The following NDST4 variants were observed in gnomAD, a reference collection of about 807,000 sequenced individuals.
NDST4 encodes N-deacetylase and N-sulfotransferase 4.
In NDST4, 63 loss-of-function variants were observed where a neutral mutation model predicts 100.8. That is an observed-to-expected ratio of 0.62 (90% CI 0.51 to 0.77). The LOEUF (loss-of-function observed/expected upper bound fraction) is 0.77. NDST4 is among the 30% of genes least tolerant of loss of function. NDST4 has a pLI of 0.00. For missense variants in NDST4, 943 were observed against 1,018.4 expected, an observed-to-expected ratio of 0.93 and a Z score of 1.01; for synonymous variants, 377 against 361.8, an observed-to-expected ratio of 1.04 and a Z score of -0.48.
chr4:114,945,537 C>T (rs1725843846), intron 4 of NDST4, among the ~76,000 whole-genome samples: 1 of 152,064 alleles, frequency 6.6e-6, no homozygotes, highest in African/African-American at 2.4e-5. Context: ...TAAAGAAACA[C>T]ATCATAGGTG....
intron 1 of NDST4, among the ~76,000 whole-genome samples, chr4:115,108,121 A>T (rs1268537852): frequency 2.6e-5 from 4 of 152,138 alleles, no homozygotes; most frequent in Non-Finnish European, 4.4e-5. Flanking sequence ...TTAAATTCTG[A>T]TTCTAATTAT....
At chr4:114,980,989 G>A (rs1726756663) in intron 2 of NDST4, among the ~76,000 whole-genome samples, 2 of 152,054 alleles carry the variant, frequency 1.3e-5, no homozygotes, top group East Asian at 3.9e-4. Flanking sequence ...GAGCTGGGAG[G>A]ATTGCTTGAG....
chr4:115,040,777 C>T (rs1475811960), intron 2 of NDST4, among the ~76,000 whole-genome samples: 1 of 151,952 alleles, frequency 6.6e-6, no homozygotes, highest in Non-Finnish European at 1.5e-5. Flanking sequence ...AGATGAACAG[C>T]TTCCCACCAA....
intron 1 of NDST4, among the ~76,000 whole-genome samples, chr4:115,106,738 T>A (rs2110345978): frequency 6.6e-6 from 1 of 152,276 alleles, no homozygotes; most frequent in Non-Finnish European, 1.5e-5. Context: ...TACATCGATC[T>A]TCATTTCATT....
chr4:115,106,938 TGAGGCCAGGAAATC>T (rs554537704), intron 1 of NDST4, among the ~76,000 whole-genome samples: 188 of 152,216 alleles, frequency 1.2e-3, no homozygotes, highest in African/African-American at 4.0e-3. Flanking sequence ...GAGGATAGCT[TGAGGCCAGGAAATC>T]GAGGCCAGCG....
chr4:114,839,517 A>C lies in NDST4; in HGVS notation c.2147T>G (p.Leu716Arg). The C allele has an allele frequency of 6.2e-7, 1 of 1,613,764 alleles. No homozygotes were observed. Among genetic ancestry groups the C allele is most frequent in the Non-Finnish European group, 8.5e-7 (1 of 1,179,842 alleles). ...HQRSHEDPAA[L>R]RFNFYEVIST... ...AATAACTTCATAGAAATTGAACCTC[A>C]GAGCAGCTGGATCTTCATGTGATCG... Residue 716 changes from leucine to arginine, a missense_variant, in exon 11 of 14, where the codon CTG (leucine) becomes CGG (arginine). By Grantham distance (102) the Leu-to-Arg change is moderately radical. Around this residue, in one of 2 missense-constraint regions of NDST4, gnomAD observed 526 missense variants for 634.1 expected, o/e 0.83. Coordinates refer to ENST00000264363, the MANE Select transcript of NDST4 (RefSeq NM_022569.3).
intron 3 of NDST4, among the ~76,000 whole-genome samples, chr4:114,975,968 A>T (rs542384451): frequency 2.2e-4 from 33 of 152,114 alleles, no homozygotes; most frequent in African/African-American, 7.5e-4. Flanking sequence ...TCTGCAAAAC[A>T]TCCTTTTAAA....
At chr4:115,101,250 G>A (rs528761940) in intron 1 of NDST4, among the ~76,000 whole-genome samples, 1 of 152,216 alleles carries the variant, frequency 6.6e-6, no homozygotes, top group South Asian at 2.1e-4. Flanking sequence ...AAGATACAAA[G>A]TTATTTAGAA....
intron 6 of NDST4, among the ~76,000 whole-genome samples, chr4:114,932,652 T>C (rs1162507046): frequency 6.6e-6 from 1 of 151,970 alleles, no homozygotes; most frequent in African/African-American, 2.4e-5. Context: ...AGTTGAAGTA[T>C]ATGAAATCAA....
chr4:114,858,097 T>C (rs1723837420), intron 7 of NDST4, among the ~76,000 whole-genome samples: 1 of 152,178 alleles, frequency 6.6e-6, no homozygotes, highest in Non-Finnish European at 1.5e-5. Context: ...AAGCCATGCA[T>C]GGACCTCTTT....
intron 2 of NDST4, among the ~76,000 whole-genome samples, chr4:114,990,901 C>T (rs1727022667): frequency 6.6e-6 from 1 of 152,076 alleles, no homozygotes; most frequent in African/African-American, 2.4e-5. Context: ...TATTTATGTG[C>T]TGTGTTCTGC....
At chr4:115,092,127 T>C (rs1406908173) in intron 1 of NDST4, among the ~76,000 whole-genome samples, 3 of 152,170 alleles carry the variant, frequency 2.0e-5, no homozygotes, top group Non-Finnish European at 2.9e-5. Flanking sequence ...GAGCAAATAT[T>C]GCACGACCAG....
chr4:114,873,864 A>G (rs897101947), intron 6 of NDST4, among the ~76,000 whole-genome samples: 10 of 152,252 alleles, frequency 6.6e-5, no homozygotes, highest in Admixed American at 2.6e-4. Context: ...AAGAAAGATA[A>G]TAATGTCCTA....
intron 12 of NDST4, 65 bp downstream of exon 12, chr4:114,833,541 A>G (rs1723245707): frequency 9.8e-7 from 1 of 1,020,186 alleles, no homozygotes; most frequent in African/African-American, 1.6e-5. Flanking sequence ...TTATATACAC[A>G]CCTACCAGTG....
chr4:115,108,522 T>C (rs1288070201), intron 1 of NDST4, among the ~76,000 whole-genome samples: 1 of 151,976 alleles, frequency 6.6e-6, no homozygotes, highest in Non-Finnish European at 1.5e-5. Flanking sequence ...ATAAAAATGA[T>C]TTAGAGGATT....
At chr4:114,884,224 A>G (rs1724430897) in intron 6 of NDST4, among the ~76,000 whole-genome samples, 1 of 152,116 alleles carries the variant, frequency 6.6e-6, no homozygotes, top group African/African-American at 2.4e-5. Flanking sequence ...ATTGAACTTA[A>G]ACACACTCAC....
intron 2 of NDST4, among the ~76,000 whole-genome samples, chr4:115,020,338 G>A (rs1296628363): frequency 6.6e-6 from 1 of 152,140 alleles, no homozygotes; most frequent in Non-Finnish European, 1.5e-5. Context: ...GATAATTTGG[G>A]TTAATTGTAT....
intron 6 of NDST4, among the ~76,000 whole-genome samples, chr4:114,927,883 G>A (rs757340011): frequency 1.3e-5 from 2 of 152,130 alleles, no homozygotes; most frequent in Non-Finnish European, 2.9e-5. Flanking sequence ...CTACTTATAA[G>A]TTCCTACAAA....
chr4:114,869,537 T>C (rs77321460), intron 7 of NDST4, among the ~76,000 whole-genome samples: 11,772 of 152,166 alleles, frequency 0.077, 528 homozygotes, highest in East Asian at 0.13. Flanking sequence ...TGTGTTGATA[T>C]ATGCGCATAA....
Sources: allele counts gnomAD v4.1 joint callset (sites outside exome capture counted in the v4.1 genomes callset), GRCh38; gene constraint gnomAD v4.1.1; regional missense constraint gnomAD v4.1.1; transcripts MANE v1.5; gene names NCBI Gene and HGNC (gene_info 2026-07-23, HGNC 2026-07-21).